The following STAT1 variants were observed in gnomAD, a reference collection of about 807,000 sequenced individuals.
The protein encoded by STAT1 is signal transducer and activator of transcription 1, also known as signal transducer and activator of transcription 1-alpha/beta.
STAT1 carries 24 observed loss-of-function variants against 111.7 expected under a neutral mutation model. That is an observed-to-expected ratio of 0.21 (90% CI 0.16 to 0.30). The LOEUF (loss-of-function observed/expected upper bound fraction) is 0.30, where lower values mean the gene tolerates loss of function less well. STAT1 is among the 10% of genes least tolerant of loss of function. The pLI is 1.00. For missense variants in STAT1, 351 were observed against 911.9 expected, an observed-to-expected ratio of 0.38 and a Z score of 7.92; for synonymous variants, 332 against 326.5, an observed-to-expected ratio of 1.02 and a Z score of -0.18.
chr2:190,992,239 A>G (rs540656644), intron 10 of STAT1, among the ~76,000 whole-genome samples: 1 of 152,338 alleles, frequency 6.6e-6, no homozygotes, highest in African/African-American at 2.4e-5. Flanking sequence ...ACTAAACTTT[A>G]CGCATGGAAA....
chr2:190,976,517 G>A lies in STAT1; in HGVS notation c.2059+323C>T, dbSNP rs540079935. Among the ~76,000 whole-genome samples the A allele has an allele frequency of 3.9e-5, 6 of 152,212 alleles. No homozygotes were observed. The highest frequency in any genetic ancestry group is 1.9e-4 in the East Asian group (1 of 5,184). ...AGGCCTCAGTTTCCTCAACTTTAAC[G>A]TGAGCAAGATGCCTTCTGTTGGTTT... is the stretch of plus-strand genomic sequence containing the variant. On this transcript the variant is annotated intron_variant, in intron 22 of 24. Coordinates refer to ENST00000361099, the MANE Select transcript of STAT1 (RefSeq NM_007315.4). This position sits in a 1 kb window ranked among gnomAD's most constrained non-coding sequence, Gnocchi z 6.0.
rs556844211 is a variant in STAT1, at chr2:190,998,452, T to A, written c.542-144A>T. 1.4e-5 allele frequency: 10 copies of A among 705,760 alleles called. No homozygotes were observed. Among genetic ancestry groups the A allele is most frequent in the African/African-American group, 3.6e-5 (2 of 55,788 alleles). 43.7% of individuals were successfully genotyped at this position (705,760 alleles called of 1,614,324 possible). ...GGCTTTCTTCGATCTTTAATGAACATGAAAAAAAGTCCTAAGTATAACAAC... is the reference window on the plus strand; with the variant it reads ...GGCTTTCTTCGATCTTTAATGAACAAGAAAAAAAGTCCTAAGTATAACAAC... On this transcript the variant is annotated intron_variant, in intron 7 of 24. Transcript: ENST00000361099. The surrounding 1 kb of genome is among the most constrained non-coding windows in gnomAD (Gnocchi z 4.1).
At position 190,999,268 on chromosome 2, in the gene STAT1, G is replaced by A. The variant is rs1694085415; in HGVS notation, c.541+358C>T. ...GTGGGCTAGGCGCAATAAATATGGT[G>A]AGTAACACATAACCAGTGGTTATCA... is the stretch of plus-strand genomic sequence containing the variant. On this transcript the variant is annotated intron_variant, in intron 7 of 24. Coordinates refer to ENST00000361099, the MANE Select transcript of STAT1 (RefSeq NM_007315.4). The surrounding 1 kb of genome is among the most constrained non-coding windows in gnomAD (Gnocchi z 4.1). Among the ~76,000 whole-genome samples, 1 of 152,140 alleles carries A rather than the reference G, an allele frequency of 6.6e-6. No homozygotes were observed. The highest frequency in any genetic ancestry group is 6.5e-5 in the Admixed American group (1 of 15,278).
At chr2:191,008,380 T>C (rs868591120) in intron 4 of STAT1, among the ~76,000 whole-genome samples, 1 of 152,210 alleles carries the variant, frequency 6.6e-6, no homozygotes, top group Non-Finnish European at 1.5e-5. Context: ...CCCAAGGGCA[T>C]GCTGGGAGTA....
In STAT1 at chr2:190,993,982, C is replaced by A. The variant is rs1693603836; in HGVS notation, c.944+1079G>T. Among the ~76,000 whole-genome samples the A allele has an allele frequency of 6.6e-6, 1 of 152,068 alleles. No individual in the cohort carries two copies. Among genetic ancestry groups the A allele is most frequent in the African/African-American group, 2.4e-5 (1 of 41,376 alleles). On this transcript the variant is annotated intron_variant, in intron 10 of 24. Coordinates refer to ENST00000361099, the MANE Select transcript of STAT1 (RefSeq NM_007315.4). The surrounding 1 kb of genome is among the most constrained non-coding windows in gnomAD (Gnocchi z 4.1). The stretch of plus-strand genomic sequence containing the variant: ...TCAAGAAATATAAAGAAATACATAA[C>A]AACTATATAACAAAAGGCAGAGTAG...
Position 191,006,861 on chromosome 2 carries a change from G to GGTATCTT in STAT1, c.372+695_372+701dup, listed in dbSNP as rs1422053148. 6.6e-6 allele frequency among the ~76,000 whole-genome samples: 1 copy of GGTATCTT among 152,108 alleles called. No individual in the cohort carries two copies. The highest frequency in any genetic ancestry group is 6.5e-5 in the Admixed American group (1 of 15,274). Reference sequence around the variant, plus strand: ...TGTTTGATGCCTTGAATATTTAATAGGTATCTTGATGTTGCTCAAAACAAA... The same window carrying GGTATCTT: ...TGTTTGATGCCTTGAATATTTAATAGGTATCTTGTATCTTGATGTTGCTCAAAACAAA... On this transcript the variant is annotated intron_variant, in intron 5 of 24. Transcript: ENST00000361099. The surrounding 1 kb of genome is among the most constrained non-coding windows in gnomAD (Gnocchi z 4.6).
At chr2:190,985,704 C>T (rs1461697924) in intron 14 of STAT1, 44 bp from the exon 15 acceptor site, 1 of 1,569,710 alleles carries the variant, frequency 6.4e-7, no homozygotes, top group South Asian at 1.1e-5. Flanking sequence ...TGGTAATGGT[C>T]AAAGTTGCTA....
Position 190,980,005 on chromosome 2 carries a change from C to T in STAT1, c.1633-139G>A. ...CATTCAGCACAGCAATGGGATCCCT[C>T]CCCTGGCAGGGAATATCAAGTTCCC... On this transcript the variant is annotated intron_variant, in intron 19 of 24. Coordinates refer to ENST00000361099, the MANE Select transcript of STAT1 (RefSeq NM_007315.4). This position sits in a 1 kb window ranked among gnomAD's most constrained non-coding sequence, Gnocchi z 6.1. 1.5e-6 allele frequency: 1 copy of T among 680,770 alleles called. No homozygotes were observed. Among genetic ancestry groups the T allele is most frequent in the Non-Finnish European group, 2.6e-6 (1 of 378,980 alleles). 42.2% of individuals were successfully genotyped at this position (680,770 alleles called of 1,614,324 possible).
chr2:191,011,428 T>C (rs1327382207), intron 2 of STAT1, among the ~76,000 whole-genome samples: 1 of 152,154 alleles, frequency 6.6e-6, no homozygotes, highest in Non-Finnish European at 1.5e-5. Context: ...TGTGTGTGTG[T>C]GTTTAGTAGA....
At position 190,995,326 on chromosome 2, in the gene STAT1, C is replaced by T; in HGVS notation, c.786-107G>A. 1.8e-6 allele frequency: 2 copies of T among 1,132,334 alleles called. No individual in the cohort carries two copies. The highest frequency in any genetic ancestry group is 2.7e-6 in the Non-Finnish European group (2 of 753,334). 70.1% of individuals were successfully genotyped at this position (1,132,334 alleles called of 1,614,324 possible). A position where few individuals can be genotyped will look rare whatever the true frequency, so the allele number is the denominator to read the frequency against. ...TCCATTCTCATGCTGCTAATAAAGA[C>T]ATACTCGAGACTGGAGAATTTATAA... On this transcript the variant is annotated intron_variant, in intron 9 of 24. Coordinates refer to ENST00000361099, the MANE Select transcript of STAT1 (RefSeq NM_007315.4). The surrounding 1 kb of genome is among the most constrained non-coding windows in gnomAD (Gnocchi z 4.2).
rs1233973218 is a variant in STAT1, at chr2:191,006,055, A to T, written c.372+1508T>A. Among the ~76,000 whole-genome samples, 1 of 152,242 alleles carries T rather than the reference A, an allele frequency of 6.6e-6. No homozygotes were observed. The highest frequency in any genetic ancestry group is 2.4e-5 in the African/African-American group (1 of 41,468). ...GGTCACCTACTCTGCTGCCAATGCCATCTCTGGGCCAAGGGGCCAAATGTG... is the reference window on the plus strand; with the variant it reads ...GGTCACCTACTCTGCTGCCAATGCCTTCTCTGGGCCAAGGGGCCAAATGTG... On this transcript the variant is annotated intron_variant, in intron 5 of 24. Transcript: ENST00000361099. This position sits in a 1 kb window ranked among gnomAD's most constrained non-coding sequence, Gnocchi z 4.6.
At position 191,001,156 on chromosome 2, in the gene STAT1, G is replaced by A. The variant is rs768483703; in HGVS notation, c.380C>T (p.Ser127Leu). 24 of 1,613,014 alleles carry A rather than the reference G, an allele frequency of 1.5e-5. No individual in the cohort carries two copies. Among genetic ancestry groups the A allele is most frequent in the Non-Finnish European group, 2.0e-5 (23 of 1,179,242 alleles). ...ENAQRFNQAQSGNIQSTVMLD... is the reference protein window; with the variant it reads ...ENAQRFNQAQLGNIQSTVMLD... ...CATCACTGTGCTCTGAATATTCCCC[G>A]ACTGAGCCTGTAATGGGAAGGGCAT... Residue 127 changes from serine to leucine, a missense_variant, in exon 6 of 25, where the codon TCG becomes TTG. Transcript: ENST00000361099.
At chr2:191,013,036 G>T (rs536708118) in intron 2 of STAT1, among the ~76,000 whole-genome samples, 1 of 152,346 alleles carries the variant, frequency 6.6e-6, no homozygotes, top group East Asian at 1.9e-4. Flanking sequence ...TGGGGAGGGG[G>T]TAGAGTAGTG....
chr2:191,000,456 C>A lies in STAT1; in HGVS notation c.462+618G>T, dbSNP rs1423847383. On this transcript the variant is annotated intron_variant, in intron 6 of 24. Coordinates refer to ENST00000361099, the MANE Select transcript of STAT1 (RefSeq NM_007315.4). This position sits in a 1 kb window ranked among gnomAD's most constrained non-coding sequence, Gnocchi z 4.8. Reference sequence around the variant, plus strand: ...ATCCACAGAGGACCAAACCCCTAAGCTGGAAGGCCTTTTCCACAAACACAG... The same window carrying A: ...ATCCACAGAGGACCAAACCCCTAAGATGGAAGGCCTTTTCCACAAACACAG... Among the ~76,000 whole-genome samples the A allele has an allele frequency of 1.3e-5, 2 of 152,086 alleles. No individual in the cohort carries two copies. The highest frequency in any genetic ancestry group is 2.9e-5 in the Non-Finnish European group (2 of 68,026).
In STAT1 at chr2:190,981,174, A is replaced by G. The variant is rs1288714195; in HGVS notation, c.1583-505T>C. On this transcript the variant is annotated intron_variant, in intron 18 of 24. Transcript: ENST00000361099. The surrounding 1 kb of genome is among the most constrained non-coding windows in gnomAD (Gnocchi z 4.1). ...GCCTCCCTATCCAGTGCCTCTTCCC[A>G]CTGCCTTCCTCTGCTGCTCAGCAGA... Among the ~76,000 whole-genome samples the G allele has an allele frequency of 6.6e-6, 1 of 152,120 alleles. No homozygotes were observed. The highest frequency in any genetic ancestry group is 1.5e-5 in the Non-Finnish European group (1 of 68,012).
intron 5 of STAT1, 27 bp from the exon 6 acceptor site, chr2:191,001,190 C>T: frequency 6.3e-7 from 1 of 1,576,750 alleles, no homozygotes; most frequent in Non-Finnish European, 8.7e-7. Context: ...ATGATTATAG[C>T]CATCGTTTTC....
Position 190,976,033 on chromosome 2 carries a change from G to A in STAT1, c.2060-146C>T. The A allele has an allele frequency of 1.4e-6, 1 of 715,212 alleles. No individual in the cohort carries two copies. Among genetic ancestry groups the A allele is most frequent in the East Asian group, 2.7e-5 (1 of 37,000 alleles). 44.3% of individuals were successfully genotyped at this position (715,212 alleles called of 1,614,324 possible). A position where few individuals can be genotyped will look rare whatever the true frequency, so the allele number is the denominator to read the frequency against. On this transcript the variant is annotated intron_variant, in intron 22 of 24. Transcript: ENST00000361099. The surrounding 1 kb of genome is among the most constrained non-coding windows in gnomAD (Gnocchi z 6.0). ...TTAAGGAGCTATAACCTCCCTGCCTGAGTCACCTAAAATTCTAGTGGGAAT... is the reference window on the plus strand; with the variant it reads ...TTAAGGAGCTATAACCTCCCTGCCTAAGTCACCTAAAATTCTAGTGGGAAT...
At chr2:191,011,472 A>G (rs1038285882) in intron 2 of STAT1, among the ~76,000 whole-genome samples, 2 of 152,156 alleles carry the variant, frequency 1.3e-5, no homozygotes, top group Non-Finnish European at 2.9e-5. Flanking sequence ...GTTGGAGCGC[A>G]GTGGCAGTGG....
chr2:190,971,789 T>C lies in STAT1; in HGVS notation c.2239-1072A>G, dbSNP rs895698590. ...GTGCAGTGGCACCATCTTGGCTCAC[T>C]GCAACCTCCACCTTCCAGGTTCAAG... On this transcript the variant is annotated intron_variant, in intron 24 of 24. Coordinates refer to ENST00000361099, the MANE Select transcript of STAT1 (RefSeq NM_007315.4). This position sits in a 1 kb window ranked among gnomAD's most constrained non-coding sequence, Gnocchi z 4.1. 6.6e-6 allele frequency among the ~76,000 whole-genome samples: 1 copy of C among 152,082 alleles called. No homozygotes were observed. Among genetic ancestry groups the C allele is most frequent in the South Asian group, 2.1e-4 (1 of 4,824 alleles).
Sources: allele counts gnomAD v4.1 joint callset (sites outside exome capture counted in the v4.1 genomes callset), GRCh38; gene constraint gnomAD v4.1.1; non-coding constraint Gnocchi (gnomAD v3.1); transcripts MANE v1.5; gene names NCBI Gene and HGNC (gene_info 2026-07-23, HGNC 2026-07-21).